The following PTPRM variants were observed in gnomAD, a reference collection of about 807,000 sequenced individuals.
The protein encoded by PTPRM is protein tyrosine phosphatase receptor type M, also known as receptor-type tyrosine-protein phosphatase mu.
In PTPRM, 47 loss-of-function variants were observed where a neutral mutation model predicts 186.7. The ratio of observed to expected loss-of-function variants is 0.25; its 90% CI spans 0.20 to 0.32. The LOEUF is 0.32. Ranked by LOEUF, PTPRM falls within the 10% of genes least tolerant of loss-of-function variation. PTPRM has a pLI of 1.00. For missense variants in PTPRM, 1,494 were observed against 1,865.0 expected (o/e 0.80, Z 3.66); for synonymous variants, 668 against 674.9 (o/e 0.99, Z 0.16).
intron 3 of PTPRM, among the ~76,000 whole-genome samples, chr18:7,896,380 A>T (rs1307371493): frequency 6.6e-6 from 1 of 152,158 alleles, no homozygotes; most frequent in South Asian, 2.1e-4. Flanking sequence ...CTAATCATGC[A>T]TGCACCCCAG....
intron 5 of PTPRM, among the ~76,000 whole-genome samples, chr18:7,928,732 T>TA (rs1350605756): frequency 6.6e-6 from 1 of 152,224 alleles, no homozygotes; most frequent in Non-Finnish European, 1.5e-5. Context: ...GCTCTCGCCT[T>TA]AACAGAGTCA....
intron 15 of PTPRM, among the ~76,000 whole-genome samples, chr18:8,247,299 A>G (rs966951135): frequency 1.3e-5 from 2 of 152,222 alleles, no homozygotes; most frequent in African/African-American, 2.4e-5. Context: ...TCAGAGGAAT[A>G]TTTTAAAGAA....
chr18:7,839,752 C>T (rs571301845), intron 2 of PTPRM, among the ~76,000 whole-genome samples: 15 of 152,266 alleles, frequency 9.9e-5, no homozygotes, highest in African/African-American at 3.6e-4. Flanking sequence ...CCCAGTTCAG[C>T]ACTAGGCCTC....
intron 23 of PTPRM, chr18:8,367,011 C>A (rs1201433713): frequency 6.6e-6 from 1 of 152,268 alleles, no homozygotes; most frequent in Non-Finnish European, 1.5e-5. Flanking sequence ...ACCAATAGTT[C>A]CAGCATCTCT....
intron 7 of PTPRM, among the ~76,000 whole-genome samples, chr18:8,066,303 A>T (rs2089069410): frequency 6.6e-6 from 1 of 152,186 alleles, no homozygotes; most frequent in Admixed American, 6.5e-5. Flanking sequence ...TCATAGGTAC[A>T]TGGTAGCACA....
chr18:8,109,477 T>A (rs1446170132), intron 11 of PTPRM, among the ~76,000 whole-genome samples: 4 of 152,212 alleles, frequency 2.6e-5, no homozygotes, highest in Non-Finnish European at 4.4e-5. Context: ...GAGTGGATAG[T>A]AGCCATTTAA....
intron 5 of PTPRM, chr18:7,946,994 C>T (rs2052572021): frequency 4.4e-6 from 2 of 456,152 alleles, no homozygotes; most frequent in Non-Finnish European, 8.8e-6. Context: ...TTTACAGCAG[C>T]ACTGAACATA....
chr18:8,042,290 A>G (rs1052306642), intron 7 of PTPRM, among the ~76,000 whole-genome samples: 4 of 152,238 alleles, frequency 2.6e-5, no homozygotes, highest in Admixed American at 2.6e-4. Flanking sequence ...GCTTTAGTTC[A>G]GAGTTAAAAA....
intron 14 of PTPRM, among the ~76,000 whole-genome samples, chr18:8,185,674 A>G (rs932876413): frequency 2.0e-5 from 3 of 152,202 alleles, no homozygotes; most frequent in Non-Finnish European, 1.5e-5. Context: ...GATGTTTCCC[A>G]GGGAGTATAT....
At chr18:7,856,824 G>T (rs1446874856) in intron 2 of PTPRM, among the ~76,000 whole-genome samples, 1 of 152,064 alleles carries the variant, frequency 6.6e-6, no homozygotes, top group East Asian at 1.9e-4. Context: ...TAGACAGATG[G>T]TGTATATGCA....
At chr18:8,258,601 G>A (rs974555353) in intron 19 of PTPRM, among the ~76,000 whole-genome samples, 11 of 151,974 alleles carry the variant, frequency 7.2e-5, no homozygotes, top group African/African-American at 2.7e-4. Flanking sequence ...CTGATTCTAA[G>A]TCCCTTTGGG....
At chr18:7,775,428 C>T (rs2042532982) in intron 2 of PTPRM, among the ~76,000 whole-genome samples, 1 of 152,120 alleles carries the variant, frequency 6.6e-6, no homozygotes, top group Non-Finnish European at 1.5e-5. Flanking sequence ...AATTCCAGTT[C>T]CTGCTTCTGT....
intron 14 of PTPRM, among the ~76,000 whole-genome samples, chr18:8,145,543 A>G (rs973496360): frequency 2.3e-4 from 35 of 151,914 alleles, no homozygotes; most frequent in African/African-American, 7.7e-4. Flanking sequence ...TCATTGTTCA[A>G]CTCCCACATA....
chr18:8,307,922 C>T (rs1418217560), intron 20 of PTPRM, among the ~76,000 whole-genome samples: 2 of 152,182 alleles, frequency 1.3e-5, no homozygotes, highest in Non-Finnish European at 1.5e-5. Flanking sequence ...CAAAAGAATT[C>T]ACAGGGCTCT....
Position 7,678,357 on chromosome 18 carries a change from A to G in PTPRM, c.74-95792A>G, listed in dbSNP as rs1404621618. On this transcript the variant is annotated intron_variant, in intron 1 of 32. Coordinates refer to ENST00000580170, the MANE Select transcript of PTPRM (RefSeq NM_001105244.2). ...CTCTTCCATTCTTAAAAGTTTCCCA[A>G]TCTGGGTGATAAATACATGGTCACC... 4.6e-5 allele frequency among the ~76,000 whole-genome samples: 7 copies of G among 152,136 alleles called. No individual in the cohort carries two copies. In the East Asian group the frequency reaches 7.7e-4, roughly 17 times the overall value.
intron 2 of PTPRM, among the ~76,000 whole-genome samples, chr18:7,806,186 C>G (rs2044225118): frequency 6.6e-6 from 1 of 152,128 alleles, no homozygotes; most frequent in Non-Finnish European, 1.5e-5. Context: ...GCCAAATTTT[C>G]ATTGTGTGGA....
At chr18:7,966,599 G>A (rs1281705001) in intron 7 of PTPRM, among the ~76,000 whole-genome samples, 2 of 139,570 alleles carry the variant, frequency 1.4e-5, no homozygotes, top group African/African-American at 2.5e-5. Context: ...GTGGGTGCGC[G>A]CACCGTGCGC....
chr18:8,343,554 G>A (rs1420017797), intron 23 of PTPRM, 34 bp downstream of exon 23: 3 of 1,595,284 alleles, frequency 1.9e-6, no homozygotes, highest in African/African-American at 2.7e-5. Flanking sequence ...TGGCCATTTT[G>A]TTCCTTGCTT....
intron 1 of PTPRM, among the ~76,000 whole-genome samples, chr18:7,628,061 A>T (rs1223801944): frequency 6.6e-6 from 1 of 152,184 alleles, no homozygotes; most frequent in Non-Finnish European, 1.5e-5. Context: ...AATATAAAAA[A>T]TATGTGGTGT....
Sources: allele counts gnomAD v4.1 joint callset (sites outside exome capture counted in the v4.1 genomes callset), GRCh38; gene constraint gnomAD v4.1.1; transcripts MANE v1.5; gene names NCBI Gene and HGNC (gene_info 2026-07-23, HGNC 2026-07-21).